CNKSR3: variants seen among roughly 807,000 people sequenced by gnomAD.
CNKSR3 encodes connector enhancer of kinase suppressor of ras 3.
CNKSR3 carries 36 observed loss-of-function variants against 67.7 expected under a neutral mutation model. The observed-to-expected ratio is 0.53, with a 90% confidence interval of 0.41 to 0.70. The LOEUF (loss-of-function observed/expected upper bound fraction) is 0.70. CNKSR3 is among the 30% of genes least tolerant of loss of function. CNKSR3 has a pLI of 0.00. For synonymous variants in CNKSR3, 281 were observed against 271.4 expected (o/e 1.04, Z -0.35); for missense variants, 630 against 695.2 (o/e 0.91, Z 1.05).
intron 1 of CNKSR3, among the ~76,000 whole-genome samples, chr6:154,508,523 A>G (rs1282294313): frequency 2.0e-5 from 3 of 152,180 alleles, no homozygotes; most frequent in Non-Finnish European, 4.4e-5. Flanking sequence ...GATAAAATAC[A>G]TATCAACTCA....
chr6:154,455,155 CAA>C (rs1204515634), intron 1 of CNKSR3, among the ~76,000 whole-genome samples: 4 of 130,958 alleles, frequency 3.1e-5, no homozygotes, highest in Admixed American at 7.7e-5. Context: ...ACTAAAAATA[CAA>C]AAAAAAAAAA....
chr6:154,420,189 G>A (rs1423358187), intron 9 of CNKSR3, among the ~76,000 whole-genome samples: 4 of 149,354 alleles, frequency 2.7e-5, no homozygotes, highest in African/African-American at 9.9e-5. Flanking sequence ...GGCACATGTA[G>A]ACAAATACCA....
At chr6:154,435,995 C>T (rs1166684658) in intron 4 of CNKSR3, among the ~76,000 whole-genome samples, 1 of 152,090 alleles carries the variant, frequency 6.6e-6, no homozygotes, top group Non-Finnish European at 1.5e-5. Context: ...CGTGGATGCA[C>T]ACCTGAGAAT....
chr6:154,437,410 C>CTTTTTTTTTTTTTT (rs10665656), intron 4 of CNKSR3, among the ~76,000 whole-genome samples: 1 of 102,144 alleles, frequency 9.8e-6, no homozygotes. Flanking sequence ...CACCTATGTT[C>CTTTTTTTTTTTTTT]TTTTTTTTTT....
chr6:154,484,601 C>A (rs543840340), intron 1 of CNKSR3, among the ~76,000 whole-genome samples: 61 of 150,000 alleles, frequency 4.1e-4, no homozygotes, highest in Non-Finnish European at 8.1e-4. Context: ...ACTCAGGAGG[C>A]TGAGGCAGAA....
At chr6:154,495,874 A>G (rs1236919983) in intron 1 of CNKSR3, among the ~76,000 whole-genome samples, 1 of 151,646 alleles carries the variant, frequency 6.6e-6, no homozygotes, top group Non-Finnish European at 1.5e-5. Context: ...TTCAACTCTC[A>G]CCAGGAGACA....
chr6:154,406,158 G>T lies in CNKSR3; in HGVS notation c.*196C>A. 1.7e-6 allele frequency: 1 copy of T among 590,196 alleles called. No individual in the cohort carries two copies. The highest frequency in any genetic ancestry group is 3.0e-6 in the Non-Finnish European group (1 of 335,390). The allele number at this position is 590,196 out of a possible 1,614,324, so 36.6% of individuals were successfully genotyped here. On this transcript the variant is annotated 3_prime_UTR_variant, in exon 13 of 13. Coordinates refer to ENST00000607772, the MANE Select transcript of CNKSR3 (RefSeq NM_173515.4). ...TCCCTCCTTTTGTCTCCACAAGCCA[G>T]CACCTAAGATCCTCTGAATTTGTTC...
chr6:154,415,227 C>CTTTTT lies in CNKSR3; in HGVS notation c.946-805_946-804insAAAAA, dbSNP rs773533317. On this transcript the variant is annotated intron_variant, in intron 9 of 12. Transcript: ENST00000607772. ...ATCCTGGCTAGACTTACTAGCTGCC[C>CTTTTT]ATTTTTTTTTTTTTTTTTTTTAAGA... Among the ~76,000 whole-genome samples, 790 of 112,600 alleles carry CTTTTT rather than the reference C, an allele frequency of 7.0e-3. 67 individuals carry two copies. The highest frequency in any genetic ancestry group is 9.4e-3 in the East Asian group (26 of 2,764). 73.9% of individuals were successfully genotyped at this position (112,600 alleles called of 152,430 possible).
intron 4 of CNKSR3, among the ~76,000 whole-genome samples, chr6:154,438,084 C>G (rs1351992615): frequency 6.6e-6 from 1 of 152,218 alleles, no homozygotes; most frequent in Non-Finnish European, 1.5e-5. Flanking sequence ...GCATGAGCCA[C>G]CGCACCTGGC....
At chr6:154,438,275 C>A (rs558909351) in intron 4 of CNKSR3, among the ~76,000 whole-genome samples, 2 of 152,182 alleles carry the variant, frequency 1.3e-5, no homozygotes, top group African/African-American at 4.8e-5. Context: ...CTCCCTCTCT[C>A]TCCCCCTGCC....
In CNKSR3 at chr6:154,420,511, A is replaced by G. The variant is rs552443892; in HGVS notation, c.945+1995T>C. Among the ~76,000 whole-genome samples, 7 of 151,708 alleles carry G rather than the reference A, an allele frequency of 4.6e-5. No individual in the cohort carries two copies. In the South Asian group the frequency reaches 1.5e-3, roughly 32 times the overall value. On this transcript the variant is annotated intron_variant, in intron 9 of 12. Transcript: ENST00000607772. ...GAGACCATCCCGGCTAAAACGGTGA[A>G]ACCCCGTCTCTACTAAAAATACAAA...
intron 9 of CNKSR3, among the ~76,000 whole-genome samples, chr6:154,420,538 A>G (rs1785119891): frequency 6.6e-6 from 1 of 151,108 alleles, no homozygotes; most frequent in Non-Finnish European, 1.5e-5. Context: ...AAATACAAAA[A>G]ATTAGCCGGG....
In CNKSR3 at chr6:154,397,445, T is replaced by C. The variant is rs938851528; in HGVS notation, c.*8909A>G. 6.6e-6 allele frequency: 1 copy of C among 152,370 alleles called. No individual in the cohort carries two copies. The highest frequency in any genetic ancestry group is 6.5e-5 in the Admixed American group (1 of 15,306). 9.4% of individuals were successfully genotyped at this position (152,370 alleles called of 1,614,324 possible). On this transcript the variant is annotated 3_prime_UTR_variant, in exon 13 of 13. Transcript: ENST00000607772. ...AGGGGATTTAATTGCTCATCTGATC[T>C]GAATGCCCATGACCAGCTCTTGTTT...
chr6:154,484,642 C>A (rs1409190169), intron 1 of CNKSR3, among the ~76,000 whole-genome samples: 3 of 141,130 alleles, frequency 2.1e-5, no homozygotes, highest in Non-Finnish European at 4.5e-5. Flanking sequence ...GTGGAGGTTG[C>A]AGTGAGCTAA....
chr6:154,420,372 T>C (rs1358243200), intron 9 of CNKSR3, among the ~76,000 whole-genome samples: 1 of 152,126 alleles, frequency 6.6e-6, no homozygotes, highest in African/African-American at 2.4e-5. Flanking sequence ...ATCTATTGTA[T>C]AGCACAGTGA....
chr6:154,466,532 G>A (rs535788819), intron 1 of CNKSR3, among the ~76,000 whole-genome samples: 35 of 152,066 alleles, frequency 2.3e-4, no homozygotes, highest in Non-Finnish European at 4.1e-4. Flanking sequence ...ATCCCTTAAA[G>A]AAAACATGTT....
At chr6:154,505,697 T>C (rs575092131) in intron 1 of CNKSR3, among the ~76,000 whole-genome samples, 2 of 149,996 alleles carry the variant, frequency 1.3e-5, no homozygotes, top group South Asian at 4.2e-4. Flanking sequence ...AGATGGGGTT[T>C]CACCATGTTG....
rs1451296108 is a variant in CNKSR3 at position 154,401,976 on chromosome 6, T to A, written c.*4378A>T. On this transcript the variant is annotated 3_prime_UTR_variant, in exon 13 of 13. Transcript: ENST00000607772. ...GTTCATGGTCTTCCAGGGAAAAAAT[T>A]AAAAAAAGAAAGCCCACAAAATAGA... is the stretch of plus-strand genomic sequence containing the variant. The A allele has an allele frequency of 1.3e-5, 2 of 151,838 alleles. No homozygotes were observed. The highest frequency in any genetic ancestry group is 2.9e-5 in the Non-Finnish European group (2 of 67,970). 9.4% of individuals were successfully genotyped at this position (151,838 alleles called of 1,614,324 possible). A position where few individuals can be genotyped will look rare whatever the true frequency, so the allele number is the denominator to read the frequency against.
intron 10 of CNKSR3, among the ~76,000 whole-genome samples, chr6:154,413,398 T>C (rs1784949154): frequency 6.6e-6 from 1 of 152,000 alleles, no homozygotes; most frequent in Admixed American, 6.6e-5. Flanking sequence ...CCCAGCTAAT[T>C]TTTTAAATTT....
Sources: gnomAD v4.1 joint callset for allele counts (sites outside exome capture counted in the v4.1 genomes callset) on GRCh38, gnomAD v4.1.1 for gene constraint, MANE v1.5 for transcripts, NCBI Gene and HGNC (gene_info 2026-07-23, HGNC 2026-07-21) for gene names.